Variants in ANOS1 observed in about 807,000 individuals in gnomAD.
The protein encoded by ANOS1 is anosmin-1.
Under a neutral mutation model 59.0 loss-of-function variants are expected in ANOS1, and 6 were observed. The observed-to-expected ratio is 0.10, with a 90% CI of 0.06 to 0.20. The LOEUF is 0.20. Ranked by LOEUF, ANOS1 falls within the 10% of genes least tolerant of loss-of-function variation. The pLI is 1.00. For synonymous variants in ANOS1, 217 were observed against 223.4 expected, an observed-to-expected ratio of 0.97 and a Z score of 0.25; for missense variants, 433 against 542.3, an observed-to-expected ratio of 0.80 and a Z score of 2.00.
chrX:8,731,369 G>A (rs1399542470), intron 1 of ANOS1, among the ~76,000 whole-genome samples: 2 of 111,835 alleles, frequency 1.8e-5, no homozygotes, highest in Non-Finnish European at 3.8e-5. Flanking sequence ...GTGTCGGCCC[G>A]CGGGCACCTG....
chrX:8,616,433 T>C (rs1304858060), intron 3 of ANOS1, among the ~76,000 whole-genome samples: 1 of 111,638 alleles, frequency 9.0e-6, no homozygotes, highest in Non-Finnish European at 1.9e-5. Flanking sequence ...CTCATTGAGC[T>C]TCATTACTTT....
At chrX:8,590,294 T>C (rs1173483936) in intron 4 of ANOS1, among the ~76,000 whole-genome samples, 2 of 112,007 alleles carry the variant, frequency 1.8e-5, no homozygotes, top group Non-Finnish European at 3.8e-5. Context: ...CCAGCTTTCC[T>C]ACAAATACAC....
In ANOS1 at chrX:8,597,018, C is replaced by CA; in HGVS notation, c.541+15dup. 8.3e-7 allele frequency: 1 copy of CA among 1,211,573 alleles called. No individual in the cohort carries two copies. On this transcript the variant is annotated intron_variant, in intron 4 of 13. Transcript: ENST00000262648. ...GACACTGCATGTGTCTTCACACCCC[C>CA]AGTGCTGCCCCTTACCTTTGTACAG...
In ANOS1 at chrX:8,587,881, C is replaced by T. The variant is rs758919684; in HGVS notation, c.639G>A (p.Glu213=). 2 of 1,204,509 alleles carry T rather than the reference C, an allele frequency of 1.7e-6. No homozygotes were observed. Among genetic ancestry groups the T allele is most frequent in the East Asian group, 3.0e-5 (1 of 33,677 alleles). The change falls in exon 5 of 14, where the codon GAG becomes GAA. Residue 213 remains glutamate, a synonymous_variant. Coordinates refer to ENST00000262648, the MANE Select transcript of ANOS1 (RefSeq NM_000216.4). Reference sequence around the variant, plus strand: ...TTCTTTGTACCACATAGATCACAGGCTCAATAGAAATATTGAATTTCGAGG... The same window carrying T: ...TTCTTTGTACCACATAGATCACAGGTTCAATAGAAATATTGAATTTCGAGG... The part of the protein sequence containing the change: ...KWSSKFNISI[E]PVIYVVQRRW...
chrX:8,619,318 T>C (rs945503737), intron 3 of ANOS1, among the ~76,000 whole-genome samples: 1 of 110,791 alleles, frequency 9.0e-6, no homozygotes, highest in African/African-American at 3.3e-5. Flanking sequence ...AAAAATGACA[T>C]TTATTGGCCG....
intron 8 of ANOS1, 27 bp downstream of exon 8, chrX:8,568,205 C>T: frequency 8.3e-7 from 1 of 1,205,328 alleles, no homozygotes; most frequent in Non-Finnish European, 1.1e-6. Context: ...TCACAATCAT[C>T]TTGAAAAACA....
In ANOS1 at chrX:8,532,777, T is replaced by A. The variant is rs958284246; in HGVS notation, c.*218A>T. 5.4e-6 allele frequency: 2 copies of A among 371,895 alleles called. No homozygotes were observed. The highest frequency in any genetic ancestry group is 4.7e-6 in the Non-Finnish European group (1 of 212,673). 30.6% of individuals were successfully genotyped at this position (371,895 alleles called of 1,213,427 possible). On this transcript the variant is annotated 3_prime_UTR_variant, in exon 14 of 14. Transcript: ENST00000262648. The stretch of plus-strand genomic sequence containing the variant: ...ACAGGCCTATTCTTCATTTTCTCCA[T>A]GCTTGTAGGGAACTGGTGTCTGTCT...
Position 8,534,415 on chromosome X carries a change from A to G in ANOS1, c.1888T>C (p.Tyr630His). The G allele has an allele frequency of 8.3e-7, 1 of 1,209,918 alleles. No individual in the cohort carries two copies. Among genetic ancestry groups the G allele is most frequent in the Non-Finnish European group, 1.1e-6 (1 of 894,148 alleles). Residue 630 changes from tyrosine (Y) to histidine (H), a missense_variant, in exon 13 of 14, where the codon TAC (tyrosine) becomes CAC (histidine). Physicochemically the swap from Tyr to His is moderately conservative, Grantham distance 83. Transcript: ENST00000262648. ...GTCAGCACTTGCACTTCCAGTCGGT[A>G]AAGAGTAGATGGTCTCAGATTGGGC... ...TVPNLRPSTLYRLEVQVLTPG... is the reference protein window; with the variant it reads ...TVPNLRPSTLHRLEVQVLTPG...
chrX:8,566,230 A>G, intron 8 of ANOS1: 1 of 752,644 alleles, frequency 1.3e-6, no homozygotes, highest in Non-Finnish European at 1.6e-6. Context: ...CAACACACAG[A>G]TCTTTGTTAT....
intron 9 of ANOS1, among the ~76,000 whole-genome samples, chrX:8,550,433 G>A (rs5978249): frequency 0.052 from 5,823 of 111,400 alleles, 361 homozygotes; most frequent in African/African-American, 0.18. Context: ...TCATTGACAC[G>A]TGGATGAATT....
intron 3 of ANOS1, among the ~76,000 whole-genome samples, chrX:8,615,542 CAAA>C (rs34060774): frequency 3.4e-5 from 2 of 58,058 alleles, no homozygotes; most frequent in Non-Finnish European, 3.2e-5. Context: ...GACCCTGTCT[CAAA>C]AAAAAAAAAA....
At chrX:8,568,938 A>T (rs1013167982) in intron 7 of ANOS1, among the ~76,000 whole-genome samples, 1 of 111,966 alleles carries the variant, frequency 8.9e-6, no homozygotes, top group Non-Finnish European at 1.9e-5. Context: ...AATCATTCTG[A>T]GCCCTCGCCA....
chrX:8,596,398 A>C (rs975325459), intron 4 of ANOS1, among the ~76,000 whole-genome samples: 2 of 111,988 alleles, frequency 1.8e-5, no homozygotes, highest in Admixed American at 1.9e-4. Context: ...TGGCTTTAAA[A>C]GAGCTTAGTC....
At chrX:8,595,623 T>C (rs759010746) in intron 4 of ANOS1, among the ~76,000 whole-genome samples, 3 of 112,161 alleles carry the variant, frequency 2.7e-5, no homozygotes, top group Non-Finnish European at 3.8e-5. Flanking sequence ...AATACTTCTT[T>C]ATACACATTT....
chrX:8,568,876 T>A (rs753429680), intron 7 of ANOS1, among the ~76,000 whole-genome samples: 1 of 111,433 alleles, frequency 9.0e-6, no homozygotes, highest in African/African-American at 3.3e-5. Flanking sequence ...GCCAAATGTA[T>A]TTTGAAATAC....
rs1372242392 is a variant in ANOS1, at chrX:8,662,555, A to G, written c.255+37143T>C. On this transcript the variant is annotated intron_variant, in intron 2 of 13. Coordinates refer to ENST00000262648, the MANE Select transcript of ANOS1 (RefSeq NM_000216.4). ...CATAGATTGGACTGTGTTCCCCCCA[A>G]AATTGATATGTTGGGCCCCCAGTAC... Among the ~76,000 whole-genome samples the G allele has an allele frequency of 2.3e-4, 26 of 112,148 alleles. 1 individual carries two copies. In the Admixed American group the frequency reaches 2.5e-3, roughly 11 times the overall value.
At chrX:8,630,139 C>T (rs887398200) in intron 2 of ANOS1, among the ~76,000 whole-genome samples, 7 of 111,944 alleles carry the variant, frequency 6.3e-5, no homozygotes, top group African/African-American at 2.3e-4. Flanking sequence ...GAGTTAAGAA[C>T]GACATGCCGG....
chrX:8,575,858 C>T (rs2146810735), intron 6 of ANOS1, among the ~76,000 whole-genome samples: 1 of 111,025 alleles, frequency 9.0e-6, no homozygotes, highest in South Asian at 3.8e-4. Context: ...AATCTTAGTG[C>T]TTTGGGAAGC....
At chrX:8,683,288 G>A (rs1327543007) in intron 2 of ANOS1, among the ~76,000 whole-genome samples, 1 of 110,809 alleles carries the variant, frequency 9.0e-6, no homozygotes, top group African/African-American at 3.3e-5. Context: ...TTTTAGCTTG[G>A]GTGCTTAAGA....
Sources: gnomAD v4.1 joint callset for allele counts (sites outside exome capture counted in the v4.1 genomes callset) on GRCh38, gnomAD v4.1.1 for gene constraint, MANE v1.5 for transcripts, NCBI Gene and HGNC (gene_info 2026-07-23, HGNC 2026-07-21) for gene names.